Variants in ANO10 observed in about 807,000 individuals in gnomAD.
ANO10 encodes the protein anoctamin 10.
In ANO10, 77 loss-of-function variants were observed where a neutral mutation model predicts 74.7. The observed-to-expected ratio is 1.03, with a 90% CI of 0.86 to 1.25. The LOEUF (loss-of-function observed/expected upper bound fraction) is 1.25. ANO10 is among the 50% of genes most tolerant of loss of function. The probability of loss-of-function intolerance (pLI) is 0.00; values close to 1 mark genes in which losing one functional copy is unlikely to be tolerated. For synonymous variants in ANO10, 279 were observed against 284.9 expected (o/e 0.98, Z 0.21); for missense variants, 721 against 778.1 (o/e 0.93, Z 0.87).
chr3:43,681,604 C>A (rs1302478782), intron 1 of ANO10, among the ~76,000 whole-genome samples: 2 of 152,194 alleles, frequency 1.3e-5, no homozygotes, highest in East Asian at 3.8e-4. Context: ...GAACTCTCCA[C>A]CCCAAAATCA....
At chr3:43,439,931 A>G (rs1281938971) in intron 11 of ANO10, among the ~76,000 whole-genome samples, 1 of 152,204 alleles carries the variant, frequency 6.6e-6, no homozygotes, top group Non-Finnish European at 1.5e-5. Context: ...GGTGAGGGGA[A>G]AATGTAAACA....
intron 12 of ANO10, among the ~76,000 whole-genome samples, chr3:43,390,225 G>A (rs780933569): frequency 2.0e-5 from 3 of 152,168 alleles, no homozygotes; most frequent in South Asian, 2.1e-4. Flanking sequence ...TGGACTGGAC[G>A]TTGAGCCCAC....
At chr3:43,579,516 G>A (rs768108113) in intron 5 of ANO10, among the ~76,000 whole-genome samples, 11 of 152,122 alleles carry the variant, frequency 7.2e-5, no homozygotes, top group Non-Finnish European at 1.0e-4. Context: ...TCAGGAGTTC[G>A]AAACTAGCCT....
chr3:43,537,108 T>A (rs2078746154), intron 11 of ANO10, among the ~76,000 whole-genome samples: 1 of 149,432 alleles, frequency 6.7e-6, no homozygotes, highest in Non-Finnish European at 1.5e-5. Flanking sequence ...ATTACAGCAA[T>A]CTCCGGGACA....
chr3:43,576,361 C>T (rs2080993830), intron 6 of ANO10, among the ~76,000 whole-genome samples: 1 of 152,200 alleles, frequency 6.6e-6, no homozygotes, highest in Admixed American at 6.5e-5. Context: ...CTGTCTGAAC[C>T]TCATTAAGCA....
At chr3:43,431,369 A>G (rs940615062) in intron 12 of ANO10, among the ~76,000 whole-genome samples, 1 of 151,816 alleles carries the variant, frequency 6.6e-6, no homozygotes, top group South Asian at 2.1e-4. Flanking sequence ...CACTGCACCC[A>G]GCCTAATCCT....
chr3:43,494,350 G>A (rs747488386), intron 11 of ANO10, among the ~76,000 whole-genome samples: 5 of 152,178 alleles, frequency 3.3e-5, no homozygotes, highest in Non-Finnish European at 4.4e-5. Context: ...CTACTCAGGC[G>A]GCTGAGGCAG....
Position 43,576,668 on chromosome 3 carries a change from T to A in ANO10, c.1162+24A>T, listed in dbSNP as rs371487223. ...ACATTTCTTACAGGCAAGTAAGACG[T>A]GAATATAAAGCCTCAAGTCTTACCC... On this transcript the variant is annotated intron_variant, in intron 6 of 12. Coordinates refer to ENST00000292246, the MANE Select transcript of ANO10 (RefSeq NM_018075.5). 10 of 1,611,470 alleles carry A rather than the reference T, an allele frequency of 6.2e-6. No individual in the cohort carries two copies. In the African/African-American group the frequency reaches 1.3e-4, roughly 22 times the overall value.
At chr3:43,372,922 T>A (rs889673716) in intron 12 of ANO10, 1 of 1,400,582 alleles carries the variant, frequency 7.1e-7, no homozygotes, top group African/African-American at 1.4e-5. Flanking sequence ...TGAAGCCTCT[T>A]TTTTTCATGC....
At chr3:43,583,074 A>G (rs565032036) in intron 4 of ANO10, among the ~76,000 whole-genome samples, 1 of 152,316 alleles carries the variant, frequency 6.6e-6, no homozygotes, top group African/African-American at 2.4e-5. Flanking sequence ...CTACTGTAGA[A>G]GACTTCCCAG....
Position 43,432,718 on chromosome 3 carries a change from G to A in ANO10, c.1807C>T (p.Leu603=). The A allele has an allele frequency of 6.2e-7, 1 of 1,611,820 alleles. No homozygotes were observed. The highest frequency in any genetic ancestry group is 8.5e-7 in the Non-Finnish European group (1 of 1,178,064). The change falls in exon 12 of 13, where the codon CTG becomes TTG. Residue 603 remains leucine, a synonymous_variant. Coordinates refer to ENST00000292246, the MANE Select transcript of ANO10 (RefSeq NM_018075.5). ...LIVVAVEHAL[L]ALKFILAFAI... ...AATGCAAGTATAAACTTTAAAGCCA[G>A]GAGTGCGTGCTGAAAACAAGAAAGA...
At chr3:43,538,799 T>G (rs1244063973) in intron 11 of ANO10, among the ~76,000 whole-genome samples, 1 of 152,146 alleles carries the variant, frequency 6.6e-6, no homozygotes, top group Non-Finnish European at 1.5e-5. Context: ...AGACAAGAAC[T>G]GTTTCAGCTT....
chr3:43,639,540 G>C (rs1039570174), intron 1 of ANO10, among the ~76,000 whole-genome samples: 1 of 152,132 alleles, frequency 6.6e-6, no homozygotes, highest in Admixed American at 6.5e-5. Context: ...CGAGGTGGGC[G>C]GATCACGAGG....
At chr3:43,578,360 C>T (rs1417917761) in intron 5 of ANO10, among the ~76,000 whole-genome samples, 2 of 152,114 alleles carry the variant, frequency 1.3e-5, no homozygotes, top group Admixed American at 6.6e-5. Flanking sequence ...GTCCCAGATG[C>T]TATCACCAGT....
chr3:43,370,014 T>C (rs1351103517), intron 12 of ANO10, among the ~76,000 whole-genome samples: 1 of 152,178 alleles, frequency 6.6e-6, no homozygotes, highest in Non-Finnish European at 1.5e-5. Context: ...AATTGCTATC[T>C]ACCACTCATG....
intron 12 of ANO10, among the ~76,000 whole-genome samples, chr3:43,385,717 G>A (rs1033104718): frequency 2.0e-5 from 3 of 146,560 alleles, no homozygotes; most frequent in African/African-American, 7.4e-5. Context: ...CTATGAGGAG[G>A]CAAAGGTGTA....
rs6769241 is a variant in ANO10 at position 43,606,081 on chromosome 3, A to G, written c.-11-218T>C. ...AAGAACGCCATCCTTTTCTATAAGC[A>G]GCTCAGAATGCAGCAGAATAGACAT... is the stretch of plus-strand genomic sequence containing the variant. On this transcript the variant is annotated intron_variant, in intron 1 of 12. Coordinates refer to ENST00000292246, the MANE Select transcript of ANO10 (RefSeq NM_018075.5). Among the ~76,000 whole-genome samples, 15,614 of 152,162 alleles carry G rather than the reference A, an allele frequency of 0.1. 1,335 individuals carry two copies. The highest frequency in any genetic ancestry group is 0.23 in the African/African-American group (9,646 of 41,476).
chr3:43,661,660 C>T (rs558436029), intron 1 of ANO10, among the ~76,000 whole-genome samples: 1 of 152,202 alleles, frequency 6.6e-6, no homozygotes, highest in Admixed American at 6.5e-5. Flanking sequence ...TTAGGAGATC[C>T]ATTTCACATG....
chr3:43,601,992 G>A (rs767352925), intron 2 of ANO10, among the ~76,000 whole-genome samples: 34 of 152,306 alleles, frequency 2.2e-4, no homozygotes, highest in Non-Finnish European at 3.8e-4. Context: ...GGGGACACCT[G>A]AAACAAGGCC....
Sources: allele counts gnomAD v4.1 joint callset (sites outside exome capture counted in the v4.1 genomes callset), GRCh38; gene constraint gnomAD v4.1.1; transcripts MANE v1.5; gene names NCBI Gene and HGNC (gene_info 2026-07-23, HGNC 2026-07-21).